The following SPAG6 variants were observed in gnomAD, a reference collection of about 807,000 sequenced individuals.
SPAG6 encodes sperm-associated antigen 6.
A neutral mutation model predicts 58.5 loss-of-function variants in SPAG6; 49 were observed. The ratio of observed to expected loss-of-function variants is 0.84; its 90% CI spans 0.67 to 1.06. The LOEUF is 1.06. Among genes scored for constraint, SPAG6 ranks in the 50% least tolerant of loss-of-function variants. The pLI, the probability that SPAG6 is intolerant of heterozygous loss-of-function variation, is 0.00. For missense variants in SPAG6, 560 were observed against 611.3 expected (o/e 0.92, Z 0.89); for synonymous variants, 233 against 225.6 (o/e 1.03, Z -0.29).
At chr10:22,395,023 C>T (rs533318886) in intron 8 of SPAG6, among the ~76,000 whole-genome samples, 2 of 152,266 alleles carry the variant, frequency 1.3e-5, no homozygotes, top group South Asian at 4.1e-4. Flanking sequence ...TGCCTGCCTT[C>T]TTTACTACTT....
intron 8 of SPAG6, among the ~76,000 whole-genome samples, chr10:22,400,089 A>C (rs1834375129): frequency 6.6e-6 from 1 of 152,196 alleles, no homozygotes; most frequent in South Asian, 2.1e-4. Context: ...CCTGTGGTAA[A>C]GTTTTGCTGA....
Position 22,401,245 on chromosome 10 carries a change from A to G in SPAG6, c.1282A>G (p.Ile428Val). The G allele has an allele frequency of 6.3e-7, 1 of 1,591,584 alleles. No individual in the cohort carries two copies. The highest frequency in any genetic ancestry group is 8.6e-7 in the Non-Finnish European group (1 of 1,159,714). Residue 428 changes from isoleucine (I) to valine (V), a missense_variant, in exon 9 of 11, where the codon ATT becomes GTT. Ile to Val is a conservative substitution (Grantham distance 29). Coordinates refer to ENST00000376624, the MANE Select transcript of SPAG6 (RefSeq NM_012443.4). ...EPFLYDAPPN[I>V]LKHVVGQFSK... ...ATTTCTATATGATGCTCCTCCCAAT[A>G]TTCTGAAACATGTGGTTGGACAGTT...
intron 2 of SPAG6, among the ~76,000 whole-genome samples, chr10:22,354,426 T>C (rs542494835): frequency 6.6e-6 from 1 of 152,100 alleles, no homozygotes; most frequent in Non-Finnish European, 1.5e-5. Context: ...TACTCTTCAG[T>C]GGTTGAAGCG....
intron 6 of SPAG6, among the ~76,000 whole-genome samples, 166 bp downstream of exon 6, chr10:22,388,162 G>T (rs1834110449): frequency 6.6e-6 from 1 of 151,780 alleles, no homozygotes. Context: ...TTGTTGTGGG[G>T]AGCTGGTCCT....
Position 22,345,674 on chromosome 10 carries a change from G to T in SPAG6, c.25+38G>T. 6.3e-7 allele frequency: 1 copy of T among 1,578,376 alleles called. No individual in the cohort carries two copies. The highest frequency in any genetic ancestry group is 1.2e-5 in the South Asian group (1 of 86,798). On this transcript the variant is annotated intron_variant, in intron 1 of 10. Transcript: ENST00000376624. The surrounding 1 kb of genome is among the most constrained non-coding windows in gnomAD (Gnocchi z 6.3). The stretch of plus-strand genomic sequence containing the variant: ...CGGGCAGGTGCCCTAACTAGCTGGC[G>T]CCGAGGAGACCCGGGTGCGGTGGGC...
intron 3 of SPAG6, among the ~76,000 whole-genome samples, chr10:22,365,548 C>G (rs1588643207): frequency 6.6e-6 from 1 of 152,138 alleles, no homozygotes; most frequent in Non-Finnish European, 1.5e-5. Flanking sequence ...TTTTCCCCCT[C>G]CTATCTGGTA....
intron 4 of SPAG6, among the ~76,000 whole-genome samples, chr10:22,377,741 C>T (rs1833851432): frequency 6.6e-6 from 1 of 152,170 alleles, no homozygotes; most frequent in South Asian, 2.1e-4. Flanking sequence ...ATATTACCCT[C>T]CCAATGTTTT....
At chr10:22,385,877 G>C (rs1564371949) in intron 4 of SPAG6, among the ~76,000 whole-genome samples, 1 of 152,134 alleles carries the variant, frequency 6.6e-6, no homozygotes. Context: ...TCCAGAAATG[G>C]GTGTCTGTGA....
intron 2 of SPAG6, among the ~76,000 whole-genome samples, chr10:22,353,230 C>A (rs1195459621): frequency 6.6e-6 from 1 of 152,264 alleles, no homozygotes; most frequent in African/African-American, 2.4e-5. Flanking sequence ...CCTGTTAGTA[C>A]TGTCCTGTTT....
intron 4 of SPAG6, among the ~76,000 whole-genome samples, chr10:22,382,743 TA>T (rs1451566704): frequency 6.6e-6 from 1 of 152,206 alleles, no homozygotes; most frequent in Non-Finnish European, 1.5e-5. Context: ...AAAATTAAGC[TA>T]AAAATTTTAC....
chr10:22,367,484 A>G (rs1164973481), intron 3 of SPAG6, among the ~76,000 whole-genome samples: 1 of 152,152 alleles, frequency 6.6e-6, no homozygotes, highest in Non-Finnish European at 1.5e-5. Context: ...TCATTGTATC[A>G]ATATTATAGT....
chr10:22,374,094 G>C (rs1344549152), intron 4 of SPAG6, among the ~76,000 whole-genome samples: 1 of 152,076 alleles, frequency 6.6e-6, no homozygotes, highest in East Asian at 1.9e-4. Flanking sequence ...GGAACTCTTG[G>C]CTAATAAAAT....
intron 2 of SPAG6, among the ~76,000 whole-genome samples, chr10:22,349,106 C>G (rs1836647213): frequency 6.6e-6 from 1 of 152,170 alleles, no homozygotes; most frequent in Non-Finnish European, 1.5e-5. Context: ...GCCTCAGCCT[C>G]CCAAAGTGCT....
intron 4 of SPAG6, among the ~76,000 whole-genome samples, chr10:22,375,781 GT>G (rs1253563583): frequency 1.3e-5 from 2 of 152,000 alleles, no homozygotes; most frequent in African/African-American, 4.8e-5. Flanking sequence ...GTTTCACCGT[GT>G]TGACCAGGCT....
Position 22,345,802 on chromosome 10 carries a change from G to C in SPAG6, c.105G>C (p.Glu35Asp), listed in dbSNP as rs781066479. Residue 35 changes from glutamate (E) to aspartate (D), a missense_variant, in exon 2 of 11, where the codon GAG becomes GAC. Physicochemically the swap from Glu to Asp is conservative, Grantham distance 45. Transcript: ENST00000376624. The surrounding 1 kb of genome is among the most constrained non-coding windows in gnomAD (Gnocchi z 6.3). ...AELATRPQNIETLQNAGVMSL... is the reference protein window; with the variant it reads ...AELATRPQNIDTLQNAGVMSL... ...TGGCGACTAGACCCCAAAACATCGA[G>C]ACGCTGCAGAACGCGGGTGAGCCCG... The C allele has an allele frequency of 1.1e-5, 18 of 1,613,424 alleles. No homozygotes were observed. In the East Asian group the frequency reaches 3.6e-4, roughly 32 times the overall value.
At chr10:22,376,430 T>A (rs1328421973) in intron 4 of SPAG6, among the ~76,000 whole-genome samples, 1 of 152,194 alleles carries the variant, frequency 6.6e-6, no homozygotes, top group Non-Finnish European at 1.5e-5. Flanking sequence ...TAATTTCGAG[T>A]TTTAAATTAC....
chr10:22,400,433 C>T (rs866508296), intron 8 of SPAG6, among the ~76,000 whole-genome samples: 3 of 152,084 alleles, frequency 2.0e-5, no homozygotes, highest in African/African-American at 4.8e-5. Flanking sequence ...TGATGTGCTG[C>T]AGCCCCATCA....
chr10:22,403,846 A>G (rs1257859072), intron 9 of SPAG6, among the ~76,000 whole-genome samples: 11 of 148,932 alleles, frequency 7.4e-5, no homozygotes, highest in Non-Finnish European at 1.3e-4. Context: ...GTGAGATGGT[A>G]TCTCATTGTG....
At chr10:22,404,552 T>TCC (rs1834501573) in intron 9 of SPAG6, among the ~76,000 whole-genome samples, 1 of 108,474 alleles carries the variant, frequency 9.2e-6, no homozygotes, top group Non-Finnish European at 1.9e-5. Context: ...TGTAGTATAG[T>TCC]TTGAAGTCAG....
Sources: allele counts gnomAD v4.1 joint callset (sites outside exome capture counted in the v4.1 genomes callset), GRCh38; gene constraint gnomAD v4.1.1; non-coding constraint Gnocchi (gnomAD v3.1); transcripts MANE v1.5; gene names NCBI Gene and HGNC (gene_info 2026-07-23, HGNC 2026-07-21).